Variants in GPATCH1 observed in about 807,000 individuals in gnomAD.
GPATCH1 encodes G-patch domain containing 1.
Under a neutral mutation model 114.9 loss-of-function variants are expected in GPATCH1, and 73 were observed. The observed-to-expected ratio is 0.64, with a 90% confidence interval of 0.53 to 0.77. The LOEUF (loss-of-function observed/expected upper bound fraction) is 0.77. Among genes scored for constraint, GPATCH1 ranks in the 30% least tolerant of loss-of-function variants. GPATCH1 has a pLI of 0.00. For missense variants in GPATCH1, 1,058 were observed against 1,144.3 expected, an observed-to-expected ratio of 0.92 and a Z score of 1.09; for synonymous variants, 391 against 428.4, an observed-to-expected ratio of 0.91 and a Z score of 1.08.
intron 14 of GPATCH1, 47 bp downstream of exon 14, chr19:33,113,950 C>T (rs1380341663): frequency 6.4e-7 from 1 of 1,567,920 alleles, no homozygotes; most frequent in East Asian, 2.2e-5. Flanking sequence ...GGCCTCAACC[C>T]CTAGCCTGTA....
intron 9 of GPATCH1, among the ~76,000 whole-genome samples, chr19:33,102,334 T>C (rs1972736419): frequency 6.6e-6 from 1 of 151,324 alleles, no homozygotes; most frequent in Non-Finnish European, 1.5e-5. Context: ...AAACTCCGTA[T>C]CGAAAAGAAA....
intron 16 of GPATCH1, among the ~76,000 whole-genome samples, chr19:33,118,443 T>C (rs1366700946): frequency 1.3e-5 from 2 of 152,146 alleles, no homozygotes; most frequent in Admixed American, 1.3e-4. Flanking sequence ...CCTCCCAAAG[T>C]GCTGGGATTA....
chr19:33,114,112 G>A, intron 14 of GPATCH1, 141 bp from the exon 15 acceptor site: 5 of 915,038 alleles, frequency 5.5e-6, no homozygotes, highest in Non-Finnish European at 8.5e-6. Context: ...CTCTGCCTCT[G>A]CCACCTACCT....
intron 3 of GPATCH1, 59 bp from the exon 4 acceptor site, chr19:33,093,300 T>C (rs1972617559): frequency 5.6e-6 from 6 of 1,079,220 alleles, no homozygotes; most frequent in Admixed American, 2.3e-5. Flanking sequence ...TAAAACTATG[T>C]GATGTATTGT....
intron 1 of GPATCH1, among the ~76,000 whole-genome samples, chr19:33,087,778 G>A (rs2145301139): frequency 6.6e-6 from 1 of 151,488 alleles, no homozygotes; most frequent in African/African-American, 2.4e-5. Context: ...CCACCTCTCG[G>A]GTTCAAGCGA....
chr19:33,111,851 C>T lies in GPATCH1; in HGVS notation c.1713C>T (p.His571=), dbSNP rs10420258. 0.16 allele frequency: 259,309 copies of T among 1,613,302 alleles called. 23,087 individuals are homozygous for T. Among genetic ancestry groups the T allele is most frequent in the East Asian group, 0.36 (16,156 of 44,860 alleles). Residue 571 remains histidine, a synonymous_variant, in exon 12 of 20, where the codon CAC becomes CAT. Transcript: ENST00000170564. Reference sequence around the variant, plus strand: ...CGACCTTGTCCTCCAGGTTCACTCACGCCAAGGAGGAGGATGACTCAGATC... The same window carrying T: ...CGACCTTGTCCTCCAGGTTCACTCATGCCAAGGAGGAGGATGACTCAGATC... ...SHSTLSSRFT[H]AKEEDDSDQV...
intron 11 of GPATCH1, 40 bp downstream of exon 11, chr19:33,110,056 C>A: frequency 1.3e-6 from 2 of 1,522,668 alleles, no homozygotes; most frequent in Non-Finnish European, 1.8e-6. Context: ...TCGGCCCGGG[C>A]GGGGTCATAT....
intron 7 of GPATCH1, 111 bp downstream of exon 7, chr19:33,096,557 C>A: frequency 1.2e-6 from 1 of 824,890 alleles, no homozygotes; most frequent in Non-Finnish European, 1.9e-6. Flanking sequence ...CCCTAATCCT[C>A]AAGTGGAATC....
intron 1 of GPATCH1, among the ~76,000 whole-genome samples, chr19:33,083,243 CAAAAAA>C (rs759998717): frequency 6.2e-4 from 38 of 61,682 alleles, no homozygotes; most frequent in African/African-American, 2.1e-3. Flanking sequence ...GACTCTGTCT[CAAAAAA>C]AAAAAAAAAA....
chr19:33,081,655 A>C (rs1358981443), intron 1 of GPATCH1, among the ~76,000 whole-genome samples: 1 of 152,050 alleles, frequency 6.6e-6, no homozygotes, highest in African/African-American at 2.4e-5. Flanking sequence ...AAGGAACATA[A>C]AGTGGCAAAG....
At chr19:33,107,510 C>T (rs1392647765) in intron 10 of GPATCH1, among the ~76,000 whole-genome samples, 1 of 152,178 alleles carries the variant, frequency 6.6e-6, no homozygotes, top group African/African-American at 2.4e-5. Flanking sequence ...ATGTTTTCTT[C>T]CTCCTGGGGA....
chr19:33,120,012 T>TTTTATATA (rs549403160), intron 17 of GPATCH1, among the ~76,000 whole-genome samples: 2 of 141,636 alleles, frequency 1.4e-5, no homozygotes, highest in East Asian at 4.0e-4. Context: ...ATTTTATATA[T>TTTTATATA]TTTATATATT....
intron 13 of GPATCH1, chr19:33,113,471 G>C: frequency 3.9e-6 from 1 of 254,650 alleles, no homozygotes; most frequent in Non-Finnish European, 7.5e-6. Flanking sequence ...CAAAAAGATA[G>C]CATATGTGGT....
At position 33,119,103 on chromosome 19, in the gene GPATCH1, C is replaced by T. The variant is rs760249876; in HGVS notation, c.2507C>T (p.Pro836Leu). ...GAAGAGTTCGGCCCGCGGCTGCCTC[C>T]CGTCTTCTGCCCCAGTGAGTGCAGA... is the stretch of plus-strand genomic sequence containing the variant. ...EREEFGPRLP[P>L]VFCPNARQTL... Residue 836 changes from proline to leucine, a missense_variant, in exon 17 of 20, where the codon CCC becomes CTC. Physicochemically the swap from Pro to Leu is moderately conservative, Grantham distance 98. Around this residue, in one of 3 missense-constraint regions of GPATCH1, gnomAD observed 893 missense variants for 977.4 expected, o/e 0.91. Coordinates refer to ENST00000170564, the MANE Select transcript of GPATCH1 (RefSeq NM_018025.3). The T allele has an allele frequency of 1.4e-5, 23 of 1,603,192 alleles. No individual in the cohort carries two copies. Among genetic ancestry groups the T allele is most frequent in the Non-Finnish European group, 1.8e-5 (21 of 1,172,116 alleles).
At chr19:33,111,516 C>T (rs536701553) in intron 11 of GPATCH1, among the ~76,000 whole-genome samples, 7 of 151,952 alleles carry the variant, frequency 4.6e-5, no homozygotes, top group South Asian at 2.1e-4. Flanking sequence ...TGAACAACTG[C>T]GCCTGGCCTA....
chr19:33,114,465 T>G (rs1972895066), intron 15 of GPATCH1, 46 bp downstream of exon 15: 1 of 1,431,642 alleles, frequency 7.0e-7, no homozygotes. Context: ...AGTGTGGCCC[T>G]TGCTTTTCTC....
At position 33,126,585 on chromosome 19, in the gene GPATCH1, C is replaced by G. The variant is rs1245273174; in HGVS notation, c.2620-3C>G. ...TTCCCCCACCACTATTTGTTTTTTA[C>G]AGAAAAAGAAACACAGGAAGCACAA... On this transcript the variant is annotated splice_region_variant and splice_polypyrimidine_tract_variant and intron_variant, in intron 18 of 19. Coordinates refer to ENST00000170564, the MANE Select transcript of GPATCH1 (RefSeq NM_018025.3). The G allele has an allele frequency of 1.2e-6, 2 of 1,610,246 alleles. No individual in the cohort carries two copies. The highest frequency in any genetic ancestry group is 1.7e-6 in the Non-Finnish European group (2 of 1,178,908).
chr19:33,084,800 ACAGG>A (rs1247086687), intron 1 of GPATCH1, among the ~76,000 whole-genome samples: 19 of 152,002 alleles, frequency 1.2e-4, no homozygotes, highest in African/African-American at 4.6e-4. Flanking sequence ...AGCTGAGCTT[ACAGG>A]CGCATGCCAC....
At chr19:33,107,618 A>G (rs1972799951) in intron 10 of GPATCH1, among the ~76,000 whole-genome samples, 1 of 152,158 alleles carries the variant, frequency 6.6e-6, no homozygotes, top group Non-Finnish European at 1.5e-5. Flanking sequence ...GCAGCAGGAA[A>G]GTCCCACCAT....
Sources: gnomAD v4.1 joint callset for allele counts (sites outside exome capture counted in the v4.1 genomes callset) on GRCh38, gnomAD v4.1.1 for gene constraint, gnomAD v4.1.1 regional missense constraint, MANE v1.5 for transcripts, NCBI Gene and HGNC (gene_info 2026-07-23, HGNC 2026-07-21) for gene names.